The following MEF2C variants were observed in gnomAD, a reference collection of about 807,000 sequenced individuals.
The protein encoded by MEF2C is myocyte-specific enhancer factor 2C.
Under a neutral mutation model 50.5 loss-of-function variants are expected in MEF2C, and 6 were observed. The ratio of observed to expected loss-of-function variants is 0.12; its 90% CI spans 0.07 to 0.23. The LOEUF (loss-of-function observed/expected upper bound fraction) is 0.23, where lower values mean the gene tolerates loss of function less well. MEF2C is among the 10% of genes least tolerant of loss of function. MEF2C has a pLI of 1.00. For missense variants in MEF2C, 276 were observed against 605.0 expected (o/e 0.46, Z 5.70); for synonymous variants, 183 against 228.0 (o/e 0.80, Z 1.78).
chr5:88,804,455 G>A (rs1012667554), intron 3 of MEF2C, 143 bp downstream of exon 3: 8 of 673,306 alleles, frequency 1.2e-5, no homozygotes, highest in Admixed American at 2.7e-5. Flanking sequence ...TAAGAGTTGC[G>A]ATAGATAATA....
intron 1 of MEF2C, among the ~76,000 whole-genome samples, chr5:88,836,757 C>G (rs1176006096): frequency 2.6e-5 from 4 of 152,132 alleles, no homozygotes; most frequent in Non-Finnish European, 5.9e-5. Flanking sequence ...CGGCAGATAA[C>G]ACTAAACGGA....
chr5:88,720,601 C>T lies in MEF2C; in HGVS notation c.*2003G>A, dbSNP rs913193274. On this transcript the variant is annotated 3_prime_UTR_variant, in exon 11 of 11. Transcript: ENST00000504921. ...GCAGTGTTGATATTACTGCCTATAT[C>T]TTCTTTGCTGTGTATGTCAATGCAT... The T allele has an allele frequency of 6.6e-6, 1 of 152,550 alleles. No individual in the cohort carries two copies. Among genetic ancestry groups the T allele is most frequent in the Non-Finnish European group, 1.5e-5 (1 of 67,996 alleles). The allele number at this position is 152,550 out of a possible 1,614,324, so 9.4% of individuals were successfully genotyped here. A position where few individuals can be genotyped will look rare whatever the true frequency, so the allele number is the denominator to read the frequency against.
At chr5:88,853,153 G>A (rs1822014582) in intron 1 of MEF2C, among the ~76,000 whole-genome samples, 1 of 152,150 alleles carries the variant, frequency 6.6e-6, no homozygotes, top group Non-Finnish European at 1.5e-5. Flanking sequence ...GAGCCTAGAA[G>A]TTCAAGGCTG....
chr5:88,901,227 A>G (rs1245978158), intron 1 of MEF2C, among the ~76,000 whole-genome samples: 1 of 151,188 alleles, frequency 6.6e-6, no homozygotes, highest in Non-Finnish European at 1.5e-5. Context: ...TACTGGCACC[A>G]GGTATTATCA....
At chr5:88,846,784 T>C (rs191954686) in intron 1 of MEF2C, among the ~76,000 whole-genome samples, 1 of 152,232 alleles carries the variant, frequency 6.6e-6, no homozygotes, top group South Asian at 2.1e-4. Context: ...TTTTCCAAAA[T>C]ATAGATGGAA....
intron 3 of MEF2C, among the ~76,000 whole-genome samples, chr5:88,783,420 A>T (rs1301731227): frequency 6.6e-6 from 1 of 152,062 alleles, no homozygotes; most frequent in East Asian, 1.9e-4. Context: ...CCTGAAGTCG[A>T]GAGTTCAAGA....
chr5:88,739,685 CT>C, intron 6 of MEF2C: 2 of 985,250 alleles, frequency 2.0e-6, no homozygotes, highest in Non-Finnish European at 2.4e-6. Flanking sequence ...ATGCTAGGAA[CT>C]GTGAGTTATT....
At chr5:88,871,453 T>C (rs1829498834) in intron 1 of MEF2C, among the ~76,000 whole-genome samples, 1 of 152,014 alleles carries the variant, frequency 6.6e-6, no homozygotes, top group African/African-American at 2.4e-5. Context: ...ACTCTGCAAG[T>C]ATTCCTTGTG....
At chr5:88,881,921 T>C (rs1412285253) in intron 1 of MEF2C, among the ~76,000 whole-genome samples, 1 of 152,184 alleles carries the variant, frequency 6.6e-6, no homozygotes, top group Non-Finnish European at 1.5e-5. Flanking sequence ...GAGAGCCCAA[T>C]TCTACTTAGT....
chr5:88,763,812 A>G (rs1412326355), intron 3 of MEF2C, among the ~76,000 whole-genome samples: 2 of 151,864 alleles, frequency 1.3e-5, no homozygotes, highest in African/African-American at 4.8e-5. Flanking sequence ...GTGCCACCAC[A>G]CCTGGTTAAA....
rs192765048 is a variant in MEF2C, at chr5:88,778,062, G to A, written c.259-16734C>T. On this transcript the variant is annotated intron_variant, in intron 3 of 10. Coordinates refer to ENST00000504921, the MANE Select transcript of MEF2C (RefSeq NM_002397.5). Reference sequence around the variant, plus strand: ...TGGGACTACAGATGCCCGCCACCACGCCCGGCTAATTTTGTTTTTGTATTT... The same window carrying A: ...TGGGACTACAGATGCCCGCCACCACACCCGGCTAATTTTGTTTTTGTATTT... 1.6e-4 allele frequency among the ~76,000 whole-genome samples: 24 copies of A among 151,698 alleles called. 1 individual carries two copies. Among genetic ancestry groups the A allele is most frequent in the Admixed American group, 1.6e-3 (24 of 15,240 alleles).
intron 1 of MEF2C, among the ~76,000 whole-genome samples, chr5:88,902,449 G>A (rs1249075933): frequency 2.0e-5 from 3 of 151,648 alleles, no homozygotes; most frequent in East Asian, 1.9e-4. Flanking sequence ...TGTGGGTAAC[G>A]TTATGTTTTT....
intron 4 of MEF2C, among the ~76,000 whole-genome samples, chr5:88,754,898 G>T (rs1219862485): frequency 6.6e-6 from 1 of 151,978 alleles, no homozygotes; most frequent in East Asian, 1.9e-4. Context: ...TTATCTCATC[G>T]CCTAACACCT....
chr5:88,871,898 A>G (rs1415483910), intron 1 of MEF2C, among the ~76,000 whole-genome samples: 1 of 152,072 alleles, frequency 6.6e-6, no homozygotes, highest in African/African-American at 2.4e-5. Flanking sequence ...CCTCAAATCT[A>G]GAGAAAAATA....
intron 3 of MEF2C, chr5:88,771,855 T>A (rs1340153211): frequency 6.5e-6 from 1 of 152,802 alleles, no homozygotes; most frequent in Non-Finnish European, 1.5e-5. Context: ...GCACAGGACA[T>A]CCCTGTGGGA....
chr5:88,781,653 G>T (rs1788101007), intron 3 of MEF2C, among the ~76,000 whole-genome samples: 1 of 152,140 alleles, frequency 6.6e-6, no homozygotes, highest in African/African-American at 2.4e-5. Context: ...TCAGAATCCT[G>T]ACCTGTTTAG....
At chr5:88,791,225 G>T (rs1403959762) in intron 3 of MEF2C, among the ~76,000 whole-genome samples, 1 of 152,042 alleles carries the variant, frequency 6.6e-6, no homozygotes, top group Non-Finnish European at 1.5e-5. Context: ...ATTAAAAATT[G>T]ACAATTATCA....
At chr5:88,724,499 C>T (rs902629449) in intron 10 of MEF2C, among the ~76,000 whole-genome samples, 10 of 152,054 alleles carry the variant, frequency 6.6e-5, no homozygotes, top group Non-Finnish European at 1.0e-4. Flanking sequence ...CCTTAATAAG[C>T]GTCTCTTTCT....
intron 7 of MEF2C, 160 bp downstream of exon 7, chr5:88,731,569 C>T: frequency 3.1e-6 from 2 of 641,980 alleles, no homozygotes; most frequent in South Asian, 2.0e-5. Flanking sequence ...AACCAGTTAC[C>T]AGAAATAATA....
Sources: allele counts gnomAD v4.1 joint callset (sites outside exome capture counted in the v4.1 genomes callset), GRCh38; gene constraint gnomAD v4.1.1; transcripts MANE v1.5; gene names NCBI Gene and HGNC (gene_info 2026-07-23, HGNC 2026-07-21).